The following NCAPD2 variants were observed in gnomAD, a reference collection of about 807,000 sequenced individuals.
NCAPD2 encodes the protein non-SMC condensin I complex subunit D2, also known as condensin complex subunit 1.
NCAPD2 carries 100 observed loss-of-function variants against 164.5 expected under a neutral mutation model. That is an observed-to-expected ratio of 0.61 (90% CI 0.52 to 0.72). The LOEUF (loss-of-function observed/expected upper bound fraction) is 0.72. Among genes scored for constraint, NCAPD2 ranks in the 30% least tolerant of loss-of-function variants. NCAPD2 has a pLI of 0.00. For missense variants in NCAPD2, 1,560 were observed against 1,749.2 expected (o/e 0.89, Z 1.93); for synonymous variants, 585 against 642.6 (o/e 0.91, Z 1.36).
Position 6,527,795 on chromosome 12 carries a change from A to T in NCAPD2, c.2926A>T (p.Thr976Ser). Residue 976 changes from threonine (T) to serine (S), a missense_variant, in exon 23 of 32, where the codon ACC (threonine) becomes TCC (serine). Coordinates refer to ENST00000315579, the MANE Select transcript of NCAPD2 (RefSeq NM_014865.4). ...CCTTTAGAATACGAGCTCTGAGACC[A>T]CCATGGAGGAGGAGCTGGGGCTGGT... ...PKEKNTSSETTMEEELGLVGA... is the reference protein window; with the variant it reads ...PKEKNTSSETSMEEELGLVGA... 4 of 1,613,024 alleles carry T rather than the reference A, an allele frequency of 2.5e-6. No individual in the cohort carries two copies. The highest frequency in any genetic ancestry group is 3.4e-6 in the Non-Finnish European group (4 of 1,179,102).
intron 17 of NCAPD2, 63 bp from the exon 18 acceptor site, chr12:6,525,520 A>G: frequency 1.9e-6 from 3 of 1,552,550 alleles, no homozygotes; most frequent in Non-Finnish European, 2.6e-6. Context: ...ATCTTCAGAA[A>G]AGCAGACCAA....
At chr12:6,523,086 C>T in intron 16 of NCAPD2, 84 bp downstream of exon 16, 1 of 1,541,428 alleles carries the variant, frequency 6.5e-7, no homozygotes, top group Non-Finnish European at 8.9e-7. Flanking sequence ...GGAAGAGGTG[C>T]ATTTCTCCAG....
intron 1 of NCAPD2, among the ~76,000 whole-genome samples, chr12:6,494,817 C>T (rs761282110): frequency 1.3e-5 from 2 of 152,154 alleles, no homozygotes; most frequent in African/African-American, 2.4e-5. Context: ...GTGTCAAGAC[C>T]AAGTGCCAAA....
intron 6 of NCAPD2, 77 bp downstream of exon 6, chr12:6,511,329 G>A: frequency 6.6e-7 from 1 of 1,521,208 alleles, no homozygotes; most frequent in Non-Finnish European, 8.9e-7. Context: ...CGTTTTTTTG[G>A]TTTTGTTTTT....
At chr12:6,511,004 C>A in intron 5 of NCAPD2, 106 bp from the exon 6 acceptor site, 1 of 1,346,868 alleles carries the variant, frequency 7.4e-7, no homozygotes, top group East Asian at 2.3e-5. Context: ...TTCCGTATTA[C>A]CTTCTATGTT....
rs372316708 is a variant in NCAPD2 at position 6,514,809 on chromosome 12, A to G, written c.876A>G (p.Arg292=). 2 of 1,614,130 alleles carry G rather than the reference A, an allele frequency of 1.2e-6. No homozygotes were observed. The highest frequency in any genetic ancestry group is 1.7e-6 in the Non-Finnish European group (2 of 1,180,058). Residue 292 remains arginine (R), a synonymous_variant, in exon 9 of 32, where the codon CGA becomes CGG. Coordinates refer to ENST00000315579, the MANE Select transcript of NCAPD2 (RefSeq NM_014865.4). ...AAAAGTGTCCCCAAGAGCTGAGTCGAGACCCTTCAGGGACAAAGGGCTTTG... is the reference window on the plus strand; with the variant it reads ...AAAAGTGTCCCCAAGAGCTGAGTCGGGACCCTTCAGGGACAAAGGGCTTTG... ...IGQKCPQELS[R]DPSGTKGFAA...
chr12:6,516,729 G>A, intron 9 of NCAPD2, 99 bp from the exon 10 acceptor site: 2 of 1,120,296 alleles, frequency 1.8e-6, no homozygotes, highest in East Asian at 2.5e-5. Flanking sequence ...GTGACCTTGG[G>A]AGTGAATACC....
chr12:6,530,117 T>G (rs1592179383), intron 29 of NCAPD2, among the ~76,000 whole-genome samples, 159 bp downstream of exon 29: 1 of 152,248 alleles, frequency 6.6e-6, no homozygotes, highest in African/African-American at 2.4e-5. Flanking sequence ...ACCAGATCTT[T>G]GTCTCCAGTT....
chr12:6,522,699 G>T, intron 15 of NCAPD2, 129 bp from the exon 16 acceptor site: 1 of 948,082 alleles, frequency 1.1e-6, no homozygotes, highest in Non-Finnish European at 1.6e-6. Context: ...ATCATAGGAG[G>T]AGTCGACATT....
At chr12:6,509,898 C>T (rs1208751288) in intron 3 of NCAPD2, 106 bp downstream of exon 3, 4 of 1,306,352 alleles carry the variant, frequency 3.1e-6, no homozygotes, top group African/African-American at 1.6e-5. Flanking sequence ...TGATAAATGC[C>T]TCTGGATATT....
chr12:6,522,712 C>T (rs1261341962), intron 15 of NCAPD2, 116 bp from the exon 16 acceptor site: 5 of 1,145,444 alleles, frequency 4.4e-6, no homozygotes, highest in Non-Finnish European at 3.8e-6. Flanking sequence ...TCGACATTCT[C>T]AGGGAAAATG....
chr12:6,497,453 C>A (rs904053910), intron 2 of NCAPD2, among the ~76,000 whole-genome samples: 1 of 152,150 alleles, frequency 6.6e-6, no homozygotes, highest in African/African-American at 2.4e-5. Flanking sequence ...CCCCCTCCCC[C>A]CATTCCACCC....
intron 9 of NCAPD2, among the ~76,000 whole-genome samples, chr12:6,515,486 C>G (rs1345558900): frequency 1.3e-5 from 2 of 152,182 alleles, no homozygotes; most frequent in African/African-American, 4.8e-5. Context: ...TAGCCTTCAG[C>G]TTTGATTCTG....
chr12:6,526,237 A>G (rs1565546563), intron 19 of NCAPD2, 37 bp downstream of exon 19: 2 of 1,614,046 alleles, frequency 1.2e-6, no homozygotes, highest in Non-Finnish European at 1.7e-6. Context: ...GAGAGTGGAG[A>G]TTCTCGTGTC....
intron 14 of NCAPD2, among the ~76,000 whole-genome samples, chr12:6,521,349 T>G (rs1946261925): frequency 6.6e-6 from 1 of 152,178 alleles, no homozygotes; most frequent in Non-Finnish European, 1.5e-5. Context: ...TTTAGATATT[T>G]TAGAGTAAGT....
chr12:6,497,297 A>G (rs1417312980), intron 2 of NCAPD2, among the ~76,000 whole-genome samples: 1 of 19,826 alleles, frequency 5.0e-5, no homozygotes, highest in Non-Finnish European at 8.7e-5. Context: ...TTAAATGGTC[A>G]CCTTTTTTTT....
chr12:6,517,042 T>C lies in NCAPD2; in HGVS notation c.1185+17T>C. The C allele has an allele frequency of 6.2e-7, 1 of 1,612,930 alleles. No individual in the cohort carries two copies. The highest frequency in any genetic ancestry group is 8.5e-7 in the Non-Finnish European group (1 of 1,178,910). ...CAGCAGAAGGTAACCAACTTCTATG[T>C]GGCAAAAACATATGGTACCTCTCCA... On this transcript the variant is annotated intron_variant, in intron 10 of 31. Transcript: ENST00000315579.
rs1946341412 is a variant in NCAPD2, at chr12:6,528,721, G to A, written c.3342G>A (p.Leu1114=). Reference sequence around the variant, plus strand: ...AGCAAGTGCGGAAAACAGCGGGGCTGGTGATGACCCACCTGATCCTCAAGG... The same window carrying A: ...AGCAAGTGCGGAAAACAGCGGGGCTAGTGATGACCCACCTGATCCTCAAGG... The part of the protein sequence containing the change: ...PAQQVRKTAG[L]VMTHLILKDM... The change falls in exon 26 of 32, where the codon CTG becomes CTA. Residue 1114 remains leucine (L), a synonymous_variant. Coordinates refer to ENST00000315579, the MANE Select transcript of NCAPD2 (RefSeq NM_014865.4). This position sits in a 1 kb window ranked among gnomAD's most constrained non-coding sequence, Gnocchi z 5.1. 1.2e-6 allele frequency: 2 copies of A among 1,613,960 alleles called. No homozygotes were observed. Among genetic ancestry groups the A allele is most frequent in the African/African-American group, 1.3e-5 (1 of 74,906 alleles).
At position 6,519,535 on chromosome 12, in the gene NCAPD2, C is replaced by T. The variant is rs1946244969; in HGVS notation, c.1590-1451C>T. Reference sequence around the variant, plus strand: ...TAATTTGTAGCTGGGATTACAGGTACACACCACCAGGCCTGGCCTTTGCCA... The same window carrying T: ...TAATTTGTAGCTGGGATTACAGGTATACACCACCAGGCCTGGCCTTTGCCA... On this transcript the variant is annotated intron_variant, in intron 13 of 31. Transcript: ENST00000315579. Among the ~76,000 whole-genome samples, 4 of 152,190 alleles carry T rather than the reference C, an allele frequency of 2.6e-5. No homozygotes were observed. The South Asian group carries it at 8.3e-4, about 32-fold the overall frequency.
Sources: gnomAD v4.1 joint callset for allele counts (sites outside exome capture counted in the v4.1 genomes callset) on GRCh38, gnomAD v4.1.1 for gene constraint, Gnocchi (gnomAD v3.1) non-coding constraint, MANE v1.5 for transcripts, NCBI Gene and HGNC (gene_info 2026-07-23, HGNC 2026-07-21) for gene names.